ATRNL1: variants seen among roughly 807,000 people sequenced by gnomAD.
The protein encoded by ATRNL1 is attractin like 1.
A neutral mutation model predicts 182.7 loss-of-function variants in ATRNL1; 95 were observed. The ratio of observed to expected loss-of-function variants is 0.52; its 90% CI spans 0.44 to 0.62. The LOEUF (loss-of-function observed/expected upper bound fraction) is 0.62. Among genes scored for constraint, ATRNL1 ranks in the 20% least tolerant of loss-of-function variants. The probability of loss-of-function intolerance (pLI) is 0.00; values close to 1 mark genes in which losing one functional copy is unlikely to be tolerated. For missense variants in ATRNL1, 1,471 were observed against 1,679.5 expected (o/e 0.88, Z 2.17); for synonymous variants, 576 against 568.3 (o/e 1.01, Z -0.19).
chr10:115,780,425 T>G (rs966941136), intron 27 of ATRNL1, among the ~76,000 whole-genome samples: 8 of 152,204 alleles, frequency 5.3e-5, no homozygotes, highest in Non-Finnish European at 1.2e-4. Context: ...AGTGCTGTAC[T>G]GGGCCAGTAG....
chr10:115,440,282 A>G (rs1554965468), intron 21 of ATRNL1, among the ~76,000 whole-genome samples: 1 of 151,832 alleles, frequency 6.6e-6, no homozygotes, highest in Non-Finnish European at 1.5e-5. Flanking sequence ...ATGGTTTCTT[A>G]TATTGGAGAA....
At chr10:115,680,447 T>C (rs1555044336) in intron 26 of ATRNL1, among the ~76,000 whole-genome samples, 1 of 152,112 alleles carries the variant, frequency 6.6e-6, no homozygotes, top group Non-Finnish European at 1.5e-5. Flanking sequence ...GCAAAATTAG[T>C]TACATGGCCC....
At chr10:115,167,530 T>C (rs1336116289) in intron 7 of ATRNL1, among the ~76,000 whole-genome samples, 1 of 152,058 alleles carries the variant, frequency 6.6e-6, no homozygotes, top group Non-Finnish European at 1.5e-5. Context: ...GACAGGACAC[T>C]TGTTTGGTTT....
At chr10:115,934,543 A>G (rs1953498172) in intron 28 of ATRNL1, among the ~76,000 whole-genome samples, 1 of 151,988 alleles carries the variant, frequency 6.6e-6, no homozygotes, top group Admixed American at 6.6e-5. Context: ...GTGAATACCA[A>G]TTGTATGCAC....
chr10:115,570,771 A>G (rs1555003221), intron 26 of ATRNL1, among the ~76,000 whole-genome samples: 2 of 152,096 alleles, frequency 1.3e-5, no homozygotes, highest in Admixed American at 6.6e-5. Flanking sequence ...TACTAATGAG[A>G]TGCTCCTTTT....
chr10:115,141,376 A>G (rs1845746772), intron 5 of ATRNL1, among the ~76,000 whole-genome samples: 1 of 152,110 alleles, frequency 6.6e-6, no homozygotes, highest in Admixed American at 6.5e-5. Flanking sequence ...ATGTTATTTT[A>G]TCAAGCATTG....
chr10:115,909,903 C>T (rs1345122346), intron 28 of ATRNL1, among the ~76,000 whole-genome samples: 1 of 152,002 alleles, frequency 6.6e-6, no homozygotes, highest in Non-Finnish European at 1.5e-5. Context: ...ATGGGATACC[C>T]ACAAATAACT....
intron 18 of ATRNL1, among the ~76,000 whole-genome samples, chr10:115,319,363 G>A (rs1002176322): frequency 3.9e-5 from 6 of 152,200 alleles, no homozygotes; most frequent in Non-Finnish European, 5.9e-5. Context: ...TGTATATTCT[G>A]TTGATTTGGG....
intron 26 of ATRNL1, among the ~76,000 whole-genome samples, chr10:115,705,244 T>C (rs555766359): frequency 2.6e-5 from 4 of 152,106 alleles, no homozygotes; most frequent in Non-Finnish European, 5.9e-5. Flanking sequence ...CTAAAAATAC[T>C]GTCTGTATGC....
intron 28 of ATRNL1, among the ~76,000 whole-genome samples, chr10:115,892,545 CAT>C (rs1555111551): frequency 6.6e-6 from 1 of 152,140 alleles, no homozygotes; most frequent in Non-Finnish European, 1.5e-5. Context: ...GCTGATGATA[CAT>C]ATCTTGTAAG....
At chr10:115,483,609 T>C (rs539131235) in intron 24 of ATRNL1, among the ~76,000 whole-genome samples, 2 of 151,670 alleles carry the variant, frequency 1.3e-5, no homozygotes. Flanking sequence ...GTTATTTCTT[T>C]AGATTTATCA....
At chr10:115,474,380 C>T (rs1221671733) in intron 24 of ATRNL1, among the ~76,000 whole-genome samples, 2 of 151,326 alleles carry the variant, frequency 1.3e-5, no homozygotes, top group African/African-American at 4.8e-5. Flanking sequence ...CTGCAATTTT[C>T]TTTTTGAGTT....
At chr10:115,326,716 G>T (rs563264502) in intron 18 of ATRNL1, among the ~76,000 whole-genome samples, 1,924 of 151,870 alleles carry the variant, frequency 0.013, 32 homozygotes, top group African/African-American at 0.043. Flanking sequence ...AAACAGCATG[G>T]TACTGGTACC....
intron 1 of ATRNL1, among the ~76,000 whole-genome samples, chr10:115,106,659 G>T (rs1354683191): frequency 6.6e-6 from 1 of 152,158 alleles, no homozygotes; most frequent in East Asian, 1.9e-4. Flanking sequence ...AACAATATCT[G>T]CTGGGTTTAT....
chr10:115,853,194 T>C (rs547544490), intron 28 of ATRNL1, among the ~76,000 whole-genome samples: 1 of 152,336 alleles, frequency 6.6e-6, no homozygotes, highest in South Asian at 2.1e-4. Flanking sequence ...GAGTGGTACC[T>C]TGATTTATCT....
chr10:115,908,491 T>A (rs1952569765), intron 28 of ATRNL1, among the ~76,000 whole-genome samples: 1 of 152,134 alleles, frequency 6.6e-6, no homozygotes, highest in Non-Finnish European at 1.5e-5. Flanking sequence ...TGCCTCCCTC[T>A]TCCCCTTTGA....
At chr10:115,571,444 G>C (rs527823865) in intron 26 of ATRNL1, among the ~76,000 whole-genome samples, 2 of 152,202 alleles carry the variant, frequency 1.3e-5, no homozygotes, top group South Asian at 4.1e-4. Context: ...TTGAGATGCT[G>C]TTATTACTGC....
At chr10:115,631,783 T>C (rs1180810038) in intron 26 of ATRNL1, among the ~76,000 whole-genome samples, 2 of 152,114 alleles carry the variant, frequency 1.3e-5, no homozygotes, top group African/African-American at 2.4e-5. Context: ...CCTTCTGATA[T>C]TATCGAGATC....
chr10:115,663,597 A>G (rs1294879147), intron 26 of ATRNL1, among the ~76,000 whole-genome samples: 1 of 152,056 alleles, frequency 6.6e-6, no homozygotes, highest in Non-Finnish European at 1.5e-5. Context: ...ATTATCATAT[A>G]ATAGTATAAT....
Sources: allele counts gnomAD v4.1 joint callset (sites outside exome capture counted in the v4.1 genomes callset), GRCh38; gene constraint gnomAD v4.1.1; transcripts MANE v1.5; gene names NCBI Gene and HGNC (gene_info 2026-07-23, HGNC 2026-07-21).